SHOC1: variants seen among roughly 807,000 people sequenced by gnomAD.
SHOC1 encodes shortage in chiasmata 1.
Under a neutral mutation model 179.2 loss-of-function variants are expected in SHOC1, and 136 were observed. The observed-to-expected ratio is 0.76, with a 90% confidence interval of 0.66 to 0.87. The LOEUF is 0.87. Among genes scored for constraint, SHOC1 ranks in the 40% least tolerant of loss-of-function variants. SHOC1 has a pLI of 0.00. For synonymous variants in SHOC1, 489 were observed against 586.6 expected (o/e 0.83, Z 2.41); for missense variants, 1,538 against 1,700.8 (o/e 0.90, Z 1.68).
chr9:111,737,988 A>G (rs1468692708), intron 12 of SHOC1: 3 of 388,948 alleles, frequency 7.7e-6, no homozygotes, highest in Non-Finnish European at 1.4e-5. Context: ...CAATTTAATC[A>G]TTTATAAAAG....
At chr9:111,767,483 A>G (rs1467332329) in intron 5 of SHOC1, among the ~76,000 whole-genome samples, 2 of 152,322 alleles carry the variant, frequency 1.3e-5, no homozygotes, top group East Asian at 3.9e-4. Context: ...TTTGTCAAAG[A>G]TGAGTTAGCT....
chr9:111,749,473 G>GT (rs998554715), intron 8 of SHOC1, among the ~76,000 whole-genome samples: 7 of 151,546 alleles, frequency 4.6e-5, no homozygotes, highest in African/African-American at 1.7e-4. Context: ...ATTGCTCAAA[G>GT]TTTTTTTTAT....
intron 25 of SHOC1, 108 bp downstream of exon 25, chr9:111,694,123 C>T: frequency 8.3e-7 from 1 of 1,200,766 alleles, no homozygotes; most frequent in Non-Finnish European, 1.2e-6. Context: ...TTGCACCTAC[C>T]ACTCAATTTG....
At chr9:111,699,333 T>TTC (rs1831850981) in intron 24 of SHOC1, among the ~76,000 whole-genome samples, 1 of 151,966 alleles carries the variant, frequency 6.6e-6, no homozygotes, top group Non-Finnish European at 1.5e-5. Flanking sequence ...ACATGTAGAG[T>TTC]TTGAGGTACT....
intron 5 of SHOC1, among the ~76,000 whole-genome samples, chr9:111,773,856 G>C (rs1835722676): frequency 6.8e-6 from 1 of 146,744 alleles, no homozygotes; most frequent in Admixed American, 6.7e-5. Context: ...ATAAGACATA[G>C]CATATTTACA....
chr9:111,761,901 TAATATATTC>T (rs1368897383), intron 5 of SHOC1, among the ~76,000 whole-genome samples: 4 of 152,140 alleles, frequency 2.6e-5, no homozygotes, highest in Non-Finnish European at 2.9e-5. Flanking sequence ...ACATCAGCAG[TAATATATTC>T]AATGATGATA....
In SHOC1 at chr9:111,705,196, C is replaced by T. The variant is rs78876475; in HGVS notation, c.2855+51G>A. ...ACACACACACACACACACACACACA[C>T]ATATATATATAATGTACACTTTTGT... On this transcript the variant is annotated intron_variant, in intron 21 of 27. Transcript: ENST00000682961. 3.7e-4 allele frequency: 250 copies of T among 680,008 alleles called. No homozygotes were observed. The highest frequency in any genetic ancestry group is 1.9e-3 in the African/African-American group (96 of 51,610). The allele number at this position is 680,008 out of a possible 1,614,324, so 42.1% of individuals were successfully genotyped here. A position where few individuals can be genotyped will look rare whatever the true frequency, so the allele number is the denominator to read the frequency against.
intron 26 of SHOC1, among the ~76,000 whole-genome samples, chr9:111,693,015 T>C (rs1831513339): frequency 6.6e-6 from 1 of 152,144 alleles, no homozygotes; most frequent in South Asian, 2.1e-4. Context: ...CTTTAGAATG[T>C]ATAATATAGG....
chr9:111,696,141 C>T (rs1433309115), intron 24 of SHOC1, among the ~76,000 whole-genome samples: 13 of 152,040 alleles, frequency 8.6e-5, no homozygotes, highest in African/African-American at 2.4e-5. Flanking sequence ...CATTTTCCTG[C>T]AAAGATGGTT....
intron 5 of SHOC1, among the ~76,000 whole-genome samples, chr9:111,770,308 T>G (rs920470234): frequency 2.6e-5 from 4 of 152,160 alleles, no homozygotes; most frequent in Non-Finnish European, 4.4e-5. Context: ...TTGTATAATT[T>G]CCATGTGTTT....
At position 111,714,543 on chromosome 9, in the gene SHOC1, C is replaced by T. The variant is rs377073449; in HGVS notation, c.2317G>A (p.Val773Ile). 16 of 1,613,910 alleles carry T rather than the reference C, an allele frequency of 9.9e-6. No homozygotes were observed. Among genetic ancestry groups the T allele is most frequent in the Non-Finnish European group, 1.4e-5 (16 of 1,179,928 alleles). The change falls in exon 17 of 28, where the codon GTA becomes ATA. Residue 773 changes from valine (V) to isoleucine (I), a missense_variant. Physicochemically the swap from Val to Ile is conservative, Grantham distance 29. Transcript: ENST00000682961. ...LGDIWRQLEIVQFIRGKKPET... is the reference protein window; with the variant it reads ...LGDIWRQLEIIQFIRGKKPET... Reference sequence around the variant, plus strand: ...GGCTTTTTCCCCCTAATAAACTGTACAATCTCCAGCTGTCTCCAAATGTCA... The same window carrying T: ...GGCTTTTTCCCCCTAATAAACTGTATAATCTCCAGCTGTCTCCAAATGTCA...
chr9:111,694,975 A>G (rs1831624423), intron 24 of SHOC1, among the ~76,000 whole-genome samples: 1 of 152,142 alleles, frequency 6.6e-6, no homozygotes, highest in South Asian at 2.1e-4. Context: ...TCTAAAAAAT[A>G]ATTTTTTCCC....
intron 18 of SHOC1, among the ~76,000 whole-genome samples, chr9:111,711,486 C>T (rs926673836): frequency 2.6e-5 from 4 of 152,130 alleles, no homozygotes; most frequent in African/African-American, 9.7e-5. Context: ...ACAGGAACCC[C>T]TCTCGCTTTG....
At chr9:111,723,297 G>A (rs986076459) in intron 14 of SHOC1, among the ~76,000 whole-genome samples, 2 of 152,130 alleles carry the variant, frequency 1.3e-5, no homozygotes, top group African/African-American at 4.8e-5. Context: ...AAAGATACTT[G>A]AGAACCTGGG....
intron 5 of SHOC1, among the ~76,000 whole-genome samples, chr9:111,773,347 T>C (rs976044275): frequency 3.3e-5 from 5 of 152,212 alleles, no homozygotes; most frequent in African/African-American, 1.2e-4. Flanking sequence ...AGTTTCACTC[T>C]TGTTGCCTAG....
chr9:111,766,214 G>A (rs973082410), intron 5 of SHOC1, among the ~76,000 whole-genome samples: 4 of 152,122 alleles, frequency 2.6e-5, no homozygotes, highest in Non-Finnish European at 5.9e-5. Context: ...CATCCATGTT[G>A]CTGCAAATGA....
chr9:111,777,838 T>A (rs1211358183), intron 4 of SHOC1, among the ~76,000 whole-genome samples: 1 of 152,196 alleles, frequency 6.6e-6, no homozygotes, highest in African/African-American at 2.4e-5. Context: ...ACCAATTGTG[T>A]CATATCTTAA....
At chr9:111,711,816 T>C (rs1248605397) in intron 18 of SHOC1, among the ~76,000 whole-genome samples, 1 of 152,176 alleles carries the variant, frequency 6.6e-6, no homozygotes, top group Admixed American at 6.5e-5. Flanking sequence ...TGTGAGTTTG[T>C]AGTAGTACCA....
At chr9:111,758,219 G>T in intron 6 of SHOC1, 24 bp from the exon 7 acceptor site, 1 of 1,326,352 alleles carries the variant, frequency 7.5e-7, no homozygotes, top group Non-Finnish European at 1.0e-6. Context: ...ACATTAATTA[G>T]TGTTTACTAA....
Sources: allele counts gnomAD v4.1 joint callset (sites outside exome capture counted in the v4.1 genomes callset), GRCh38; gene constraint gnomAD v4.1.1; transcripts MANE v1.5; gene names NCBI Gene and HGNC (gene_info 2026-07-23, HGNC 2026-07-21).